Variants in LIPC observed in about 807,000 individuals in gnomAD.
LIPC encodes hepatic triacylglycerol lipase.
LIPC carries 44 observed loss-of-function variants against 50.7 expected under a neutral mutation model. The ratio of observed to expected loss-of-function variants is 0.87; its 90% CI spans 0.68 to 1.11. LIPC has a LOEUF of 1.11. LIPC is among the 50% of genes most tolerant of loss of function. The pLI is 0.00. For missense variants in LIPC, 697 were observed against 648.2 expected (o/e 1.08, Z -0.82); for synonymous variants, 271 against 256.4 (o/e 1.06, Z -0.54).
intron 1 of LIPC, among the ~76,000 whole-genome samples, chr15:58,505,284 C>T (rs888132905): frequency 1.3e-5 from 2 of 152,252 alleles, no homozygotes; most frequent in Non-Finnish European, 2.9e-5. Flanking sequence ...CCCAGCCCCC[C>T]TACTCACCAG....
chr15:58,451,031 C>T (rs1383537816), intron 1 of LIPC, among the ~76,000 whole-genome samples: 1 of 152,152 alleles, frequency 6.6e-6, no homozygotes, highest in Non-Finnish European at 1.5e-5. Flanking sequence ...CCCCAGGCAA[C>T]GTACTAGGAA....
chr15:58,557,170 C>T (rs1231365004), intron 6 of LIPC, among the ~76,000 whole-genome samples: 3 of 151,948 alleles, frequency 2.0e-5, no homozygotes, highest in South Asian at 2.1e-4. Flanking sequence ...TTGTGTGAGC[C>T]GACGCCCCAG....
intron 1 of LIPC, among the ~76,000 whole-genome samples, chr15:58,504,456 G>A (rs1350522070): frequency 6.6e-6 from 1 of 152,104 alleles, no homozygotes; most frequent in Non-Finnish European, 1.5e-5. Flanking sequence ...GTTTCTGGAC[G>A]TCAACACCCC....
intron 1 of LIPC, among the ~76,000 whole-genome samples, chr15:58,459,388 G>A (rs12912850): frequency 0.34 from 48,514 of 141,442 alleles, 8,899 homozygotes; most frequent in South Asian, 0.5. Context: ...TTGGAGAATC[G>A]ACTTTTTTCT....
chr15:58,435,694 G>C (rs1206001462), intron 1 of LIPC: 2 of 152,272 alleles, frequency 1.3e-5, no homozygotes, highest in Admixed American at 6.5e-5. Context: ...TGGATCACCT[G>C]AGGTTAGGAG....
chr15:58,488,883 A>G (rs541339711), intron 1 of LIPC, among the ~76,000 whole-genome samples: 2 of 152,318 alleles, frequency 1.3e-5, no homozygotes, highest in South Asian at 4.1e-4. Context: ...GGAGAAAAAC[A>G]GGATTTGGGA....
intron 4 of LIPC, among the ~76,000 whole-genome samples, chr15:58,545,377 T>C (rs1595938880): frequency 6.6e-6 from 1 of 152,204 alleles, no homozygotes; most frequent in African/African-American, 2.4e-5. Flanking sequence ...TGGCTGAAAC[T>C]ACAGGCACAG....
chr15:58,561,043 T>G, intron 7 of LIPC, 62 bp downstream of exon 7: 1 of 866,914 alleles, frequency 1.2e-6, no homozygotes. Flanking sequence ...AGAACATAAA[T>G]GGACTCTGTA....
rs542765160 is a variant in LIPC at position 58,545,789 on chromosome 15, C to T, written c.622C>T (p.Arg208Cys). Residue 208 changes from arginine to cysteine, a missense_variant, in exon 5 of 9, where the codon CGT becomes TGT. Arg to Cys is a radical substitution (Grantham distance 180). Coordinates refer to ENST00000299022, the MANE Select transcript of LIPC (RefSeq NM_000236.3). ...PLFEGSAPSN[R>C]LSPDDANFVD... ...GTTTGAGGGAAGTGCCCCCAGCAAT[C>T]GTCTTTCTCCAGATGATGCCAATTT... 8 of 1,614,200 alleles carry T rather than the reference C, an allele frequency of 5.0e-6. No individual in the cohort carries two copies. The highest frequency in any genetic ancestry group is 2.2e-5 in the East Asian group (1 of 44,874).
intron 1 of LIPC, among the ~76,000 whole-genome samples, chr15:58,469,529 A>C (rs1322635582): frequency 6.6e-6 from 1 of 152,222 alleles, no homozygotes; most frequent in Non-Finnish European, 1.5e-5. Flanking sequence ...CCAGCTTCCC[A>C]AAAACAGGCC....
chr15:58,450,332 G>A (rs761406547), intron 1 of LIPC, among the ~76,000 whole-genome samples: 4 of 152,122 alleles, frequency 2.6e-5, no homozygotes, highest in East Asian at 1.9e-4. Flanking sequence ...CCTAGGGTGC[G>A]GCCCAGGAAT....
chr15:58,468,836 T>C (rs1361161475), intron 1 of LIPC, among the ~76,000 whole-genome samples: 5 of 152,336 alleles, frequency 3.3e-5, no homozygotes, highest in Middle Eastern at 6.8e-3. Context: ...TAAGGGTTTA[T>C]GTGTTTAACA....
chr15:58,545,149 G>C (rs1052051397), intron 4 of LIPC, among the ~76,000 whole-genome samples: 2 of 152,104 alleles, frequency 1.3e-5, no homozygotes, highest in Non-Finnish European at 2.9e-5. Context: ...GGCTTTTTTT[G>C]TATGCAAACA....
chr15:58,432,487 G>A (rs758298158), intron 1 of LIPC: 95 of 311,492 alleles, frequency 3.0e-4, no homozygotes, highest in Non-Finnish European at 5.1e-4. Context: ...AGCCAGGCTT[G>A]CAATGAAATG....
In LIPC at chr15:58,548,423, C is replaced by T. The variant is rs1893615359; in HGVS notation, c.902C>T (p.Pro301Leu). ...LHAGTQSMAYPCGDMNSFSQG... is the reference protein window; with the variant it reads ...LHAGTQSMAYLCGDMNSFSQG... ...GCCGGCACGCAGAGCATGGCCTACC[C>T]GTGTGGTGACATGAACAGCTTCAGC... The change falls in exon 6 of 9, where the codon CCG (proline) becomes CTG (leucine). Residue 301 changes from proline (P) to leucine (L), a missense_variant. Coordinates refer to ENST00000299022, the MANE Select transcript of LIPC (RefSeq NM_000236.3). 3.1e-6 allele frequency: 5 copies of T among 1,613,982 alleles called. No homozygotes were observed. The highest frequency in any genetic ancestry group is 1.1e-5 in the South Asian group (1 of 91,068).
At chr15:58,503,791 C>T (rs57887591) in intron 1 of LIPC, among the ~76,000 whole-genome samples, 1 of 152,052 alleles carries the variant, frequency 6.6e-6, no homozygotes, top group African/African-American at 2.4e-5. Flanking sequence ...CTGGACACAG[C>T]AGTGGCAGAA....
intron 1 of LIPC, among the ~76,000 whole-genome samples, chr15:58,462,755 A>C (rs1271069888): frequency 6.6e-6 from 1 of 152,072 alleles, no homozygotes; most frequent in East Asian, 1.9e-4. Context: ...AGGCCACTCC[A>C]GGCAATCCTC....
intron 1 of LIPC, among the ~76,000 whole-genome samples, chr15:58,536,605 G>C (rs1893131795): frequency 1.3e-5 from 2 of 152,184 alleles, no homozygotes; most frequent in Admixed American, 1.3e-4. Context: ...TTCTGACTTA[G>C]ACAGGAGGGC....
At chr15:58,525,112 G>A (rs559220453) in intron 1 of LIPC, among the ~76,000 whole-genome samples, 2 of 152,114 alleles carry the variant, frequency 1.3e-5, no homozygotes, top group South Asian at 4.1e-4. Context: ...GAGAGGTATG[G>A]ACCAAACTTA....
Sources: allele counts gnomAD v4.1 joint callset (sites outside exome capture counted in the v4.1 genomes callset), GRCh38; gene constraint gnomAD v4.1.1; transcripts MANE v1.5; gene names NCBI Gene and HGNC (gene_info 2026-07-23, HGNC 2026-07-21).